TNPO1: variants seen among roughly 807,000 people sequenced by gnomAD.
TNPO1 encodes transportin-1.
A neutral mutation model predicts 119.5 loss-of-function variants in TNPO1; 8 were observed. The ratio of observed to expected loss-of-function variants is 0.07; its 90% CI spans 0.04 to 0.12. The LOEUF is 0.12. Ranked by LOEUF, TNPO1 falls within the 10% of genes least tolerant of loss-of-function variation. TNPO1 has a pLI of 1.00. For synonymous variants in TNPO1, 362 were observed against 363.0 expected, an observed-to-expected ratio of 1.00 and a Z score of 0.03; for missense variants, 576 against 1,089.8, an observed-to-expected ratio of 0.53 and a Z score of 6.64.
At position 72,911,864 on chromosome 5, in the gene TNPO1, T is replaced by G. The variant is rs1384135325; in HGVS notation, c.*3191T>G. 5 of 152,524 alleles carry G rather than the reference T, an allele frequency of 3.3e-5. No individual in the cohort carries two copies. Among genetic ancestry groups the G allele is most frequent in the East Asian group, 1.9e-4 (1 of 5,204 alleles). The allele number at this position is 152,524 out of a possible 1,614,324, so 9.4% of individuals were successfully genotyped here. ...ATGCCTTCTTTTTCCTGTTTGAGCTTCTCTCTTTGAAGGATTCTAACAGAA... is the reference window on the plus strand; with the variant it reads ...ATGCCTTCTTTTTCCTGTTTGAGCTGCTCTCTTTGAAGGATTCTAACAGAA... On this transcript the variant is annotated 3_prime_UTR_variant, in exon 25 of 25. Coordinates refer to ENST00000337273, the MANE Select transcript of TNPO1 (RefSeq NM_002270.4).
intron 22 of TNPO1, among the ~76,000 whole-genome samples, chr5:72,902,699 A>C (rs1297268308): frequency 6.6e-6 from 1 of 152,170 alleles, no homozygotes; most frequent in Non-Finnish European, 1.5e-5. Context: ...TTACCAACTT[A>C]AGAGTTGGTA....
intron 1 of TNPO1, among the ~76,000 whole-genome samples, chr5:72,839,872 C>T (rs1431085035): frequency 2.0e-5 from 3 of 152,008 alleles, no homozygotes; most frequent in Non-Finnish European, 2.9e-5. Context: ...TGAGACCAAC[C>T]GTTAAATCTG....
chr5:72,902,035 A>G (rs1008494190), intron 22 of TNPO1, among the ~76,000 whole-genome samples: 6 of 151,898 alleles, frequency 4.0e-5, no homozygotes, highest in East Asian at 1.9e-4. Flanking sequence ...AGATCGCGCT[A>G]TGGCACTCCA....
chr5:72,866,965 A>T (rs1481191342), intron 6 of TNPO1, among the ~76,000 whole-genome samples: 1 of 152,072 alleles, frequency 6.6e-6, no homozygotes, highest in Non-Finnish European at 1.5e-5. Context: ...GCTTGAGGCC[A>T]GGAGTTAGAG....
intron 8 of TNPO1, among the ~76,000 whole-genome samples, chr5:72,876,938 C>CA (rs1561335442): frequency 6.6e-6 from 1 of 151,364 alleles, no homozygotes; most frequent in Non-Finnish European, 1.5e-5. Context: ...ACTAAAAATA[C>CA]AAAAAAATTA....
intron 1 of TNPO1, among the ~76,000 whole-genome samples, chr5:72,821,292 A>C (rs1030478231): frequency 3.9e-5 from 6 of 152,194 alleles, no homozygotes; most frequent in African/African-American, 1.4e-4. Flanking sequence ...ATATGTTTCT[A>C]CCACAAATGA....
intron 1 of TNPO1, among the ~76,000 whole-genome samples, chr5:72,837,823 A>G (rs1453597382): frequency 1.3e-5 from 2 of 152,196 alleles, no homozygotes; most frequent in Admixed American, 6.5e-5. Flanking sequence ...ACTGTGGCTT[A>G]GAAGATTGGA....
chr5:72,901,325 G>A (rs931048179), intron 22 of TNPO1, among the ~76,000 whole-genome samples: 2 of 151,764 alleles, frequency 1.3e-5, no homozygotes, highest in South Asian at 2.1e-4. Context: ...CTTGAATCAG[G>A]CCATGGCTTC....
rs754866238 is a variant in TNPO1, at chr5:72,893,150, A to G, written c.1800A>G (p.Ser600=). 1 of 1,613,522 alleles carries G rather than the reference A, an allele frequency of 6.2e-7. No homozygotes were observed. The highest frequency in any genetic ancestry group is 1.7e-5 in the Admixed American group (1 of 59,898). ...DLFPLLECLS[S]VATALQSGFL... Reference sequence around the variant, plus strand: ...TTTATTCTTCCTAGTGCCTATCTTCAGTTGCCACAGCACTGCAGTCTGGAT... The same window carrying G: ...TTTATTCTTCCTAGTGCCTATCTTCGGTTGCCACAGCACTGCAGTCTGGAT... The change falls in exon 16 of 25, where the codon TCA becomes TCG. Residue 600 remains serine (S), a synonymous_variant. Coordinates refer to ENST00000337273, the MANE Select transcript of TNPO1 (RefSeq NM_002270.4).
chr5:72,849,293 T>TAGAA (rs1260788146), intron 2 of TNPO1, among the ~76,000 whole-genome samples: 19 of 152,344 alleles, frequency 1.2e-4, no homozygotes, highest in Non-Finnish European at 2.4e-4. Flanking sequence ...GTATGCTTTC[T>TAGAA]GTAGTGCCCT....
chr5:72,906,235 T>TA (rs1750134697), intron 24 of TNPO1, among the ~76,000 whole-genome samples: 1 of 149,368 alleles, frequency 6.7e-6, no homozygotes, highest in Admixed American at 6.7e-5. Context: ...CACTGTATGT[T>TA]TCACTGAGTA....
intron 1 of TNPO1, chr5:72,847,988 CTT>C: frequency 1.1e-6 from 1 of 925,654 alleles, no homozygotes; most frequent in Non-Finnish European, 1.3e-6. Context: ...AAGGACTTGA[CTT>C]TTTATTAGCC....
chr5:72,889,420 G>A (rs980808681), intron 13 of TNPO1, among the ~76,000 whole-genome samples: 3 of 152,122 alleles, frequency 2.0e-5, no homozygotes, highest in Non-Finnish European at 4.4e-5. Flanking sequence ...AAGATATTAA[G>A]GGAGGGAGGA....
At chr5:72,854,028 T>G (rs1422187001) in intron 3 of TNPO1, among the ~76,000 whole-genome samples, 2 of 152,230 alleles carry the variant, frequency 1.3e-5, no homozygotes, top group Non-Finnish European at 2.9e-5. Flanking sequence ...TTAAAATTCT[T>G]CATCTTGTAA....
chr5:72,842,749 A>G (rs758245773), intron 1 of TNPO1, among the ~76,000 whole-genome samples: 4 of 152,204 alleles, frequency 2.6e-5, no homozygotes, highest in Non-Finnish European at 5.9e-5. Context: ...TATTAAAGCT[A>G]TAGAACAAAA....
intron 1 of TNPO1, among the ~76,000 whole-genome samples, chr5:72,826,220 C>G (rs1287511534): frequency 6.6e-6 from 1 of 152,102 alleles, no homozygotes; most frequent in Non-Finnish European, 1.5e-5. Context: ...TTATCCTGGA[C>G]TCCTTTTTAT....
At chr5:72,841,503 C>T (rs959402562) in intron 1 of TNPO1, among the ~76,000 whole-genome samples, 1 of 152,016 alleles carries the variant, frequency 6.6e-6, no homozygotes, top group Non-Finnish European at 1.5e-5. Context: ...AGGGGCATGC[C>T]ACCACGCCTG....
intron 13 of TNPO1, among the ~76,000 whole-genome samples, chr5:72,888,638 TATAAC>T (rs1748829792): frequency 1.3e-5 from 2 of 152,226 alleles, no homozygotes; most frequent in Admixed American, 6.5e-5. Context: ...CAGTGGTTAT[TATAAC>T]AGAACTATCT....
intron 1 of TNPO1, among the ~76,000 whole-genome samples, chr5:72,842,937 T>A (rs1451394245): frequency 6.6e-6 from 1 of 152,198 alleles, no homozygotes; most frequent in Non-Finnish European, 1.5e-5. Flanking sequence ...TAATTCCTGT[T>A]AGATTTCTGA....
Sources: gnomAD v4.1 joint callset for allele counts (sites outside exome capture counted in the v4.1 genomes callset) on GRCh38, gnomAD v4.1.1 for gene constraint, MANE v1.5 for transcripts, NCBI Gene and HGNC (gene_info 2026-07-23, HGNC 2026-07-21) for gene names.